Variants in ACTN4 observed in about 807,000 individuals in gnomAD.
ACTN4 encodes the protein alpha-actinin-4.
ACTN4 carries 18 observed loss-of-function variants against 114.2 expected under a neutral mutation model. The ratio of observed to expected loss-of-function variants is 0.16; its 90% CI spans 0.11 to 0.23. ACTN4 has a LOEUF of 0.23. Ranked by LOEUF, ACTN4 falls within the 10% of genes least tolerant of loss-of-function variation. ACTN4 has a pLI of 1.00. For synonymous variants in ACTN4, 515 were observed against 506.3 expected (o/e 1.02, Z -0.23); for missense variants, 722 against 1,262.9 (o/e 0.57, Z 6.49).
At chr19:38,659,185 C>T (rs1599762436) in intron 1 of ACTN4, among the ~76,000 whole-genome samples, 2 of 151,354 alleles carry the variant, frequency 1.3e-5, no homozygotes, top group Non-Finnish European at 2.9e-5. Context: ...CTTAGGCTCC[C>T]GAGTAGCTGG....
rs1471165434 is a variant in ACTN4, at chr19:38,654,540, C to A, written c.162+6633C>A. ...TCACGCCACTGCACTCCAGCCTGGACGACAGAGTAAGGCTCCGTCTCAAAA... is the reference window on the plus strand; with the variant it reads ...TCACGCCACTGCACTCCAGCCTGGAAGACAGAGTAAGGCTCCGTCTCAAAA... On this transcript the variant is annotated intron_variant, in intron 1 of 20. Coordinates refer to ENST00000252699, the MANE Select transcript of ACTN4 (RefSeq NM_004924.6). Among the ~76,000 whole-genome samples the A allele has an allele frequency of 2.1e-5, 3 of 140,574 alleles. No homozygotes were observed. The South Asian group carries it at 6.7e-4, about 31-fold the overall frequency. The allele number at this position is 140,574 out of a possible 152,430, so 92.2% of individuals were successfully genotyped here. A position where few individuals can be genotyped will look rare whatever the true frequency, so the allele number is the denominator to read the frequency against.
chr19:38,668,033 G>A (rs1967018297), intron 1 of ACTN4, among the ~76,000 whole-genome samples: 1 of 152,190 alleles, frequency 6.6e-6, no homozygotes, highest in Non-Finnish European at 1.5e-5. Context: ...GGAGGTGCCT[G>A]TTCCTTAGAA....
chr19:38,730,711 C>A lies in ACTN4; in HGVS notation c.*1279C>A. The A allele has an allele frequency of 9.6e-7, 1 of 1,041,740 alleles. No homozygotes were observed. Among genetic ancestry groups the A allele is most frequent in the Non-Finnish European group, 1.4e-6 (1 of 707,888 alleles). The allele number at this position is 1,041,740 out of a possible 1,614,324, so 64.5% of individuals were successfully genotyped here. Reference sequence around the variant, plus strand: ...GAGTACGCAGGCCAGAGTGGTCACCCGGCCGTGAGCAGTGAGGGCCAGAGA... The same window carrying A: ...GAGTACGCAGGCCAGAGTGGTCACCAGGCCGTGAGCAGTGAGGGCCAGAGA... On this transcript the variant is annotated 3_prime_UTR_variant, in exon 21 of 21. Coordinates refer to ENST00000252699, the MANE Select transcript of ACTN4 (RefSeq NM_004924.6).
intron 1 of ACTN4, among the ~76,000 whole-genome samples, chr19:38,674,890 G>A (rs1005583088): frequency 9.9e-5 from 15 of 152,182 alleles, no homozygotes; most frequent in African/African-American, 3.6e-4. Flanking sequence ...GAGAGAACTC[G>A]TGATATCGCT....
rs144831680 is a variant in ACTN4, at chr19:38,723,661, A to C, written c.1490A>C (p.Lys497Thr). Residue 497 changes from lysine (K) to threonine (T), a missense_variant, in exon 13 of 21, where the codon AAG (lysine) becomes ACG (threonine). Lys to Thr is a moderately conservative substitution (Grantham distance 78). This residue lies in a region of ACTN4 where 523 missense variants were observed against 875.9 expected (regional missense o/e 0.60). Coordinates refer to ENST00000252699, the MANE Select transcript of ACTN4 (RefSeq NM_004924.6). ...CACAATGTCAACACCCGGTGCCAGA[A>C]GATCTGTGACCAGTGGGACGCCCTC... ...DSHNVNTRCQKICDQWDALGS... is the reference protein window; with the variant it reads ...DSHNVNTRCQTICDQWDALGS... 7 of 1,613,604 alleles carry C rather than the reference A, an allele frequency of 4.3e-6. No individual in the cohort carries two copies. The highest frequency in any genetic ancestry group is 5.9e-6 in the Non-Finnish European group (7 of 1,179,864).
Position 38,729,917 on chromosome 19 carries a change from T to A in ACTN4, c.*485T>A, listed in dbSNP as rs2145121764. ...CGGCTGGGGACCCACCCAGCCCCTC[T>A]CCCCTCTCTGCTCCAGACTCACTTG... On this transcript the variant is annotated 3_prime_UTR_variant, in exon 21 of 21. Coordinates refer to ENST00000252699, the MANE Select transcript of ACTN4 (RefSeq NM_004924.6). 2.9e-6 allele frequency: 1 copy of A among 349,142 alleles called. No individual in the cohort carries two copies. The highest frequency in any genetic ancestry group is 1.1e-3 in the Middle Eastern group (1 of 946). 21.6% of individuals were successfully genotyped at this position (349,142 alleles called of 1,614,324 possible). A position where few individuals can be genotyped will look rare whatever the true frequency, so the allele number is the denominator to read the frequency against.
At chr19:38,690,350 G>C (rs2144954489) in intron 1 of ACTN4, among the ~76,000 whole-genome samples, 1 of 152,338 alleles carries the variant, frequency 6.6e-6, no homozygotes, top group Admixed American at 6.5e-5. Context: ...CTGCATTTCT[G>C]ATCCAGCGAG....
At chr19:38,705,998 G>T in intron 4 of ACTN4, 46 bp from the exon 5 acceptor site, 1 of 1,603,408 alleles carries the variant, frequency 6.2e-7, no homozygotes, top group South Asian at 1.1e-5. Flanking sequence ...TGAGTTCTGA[G>T]GGTTTATTTT....
chr19:38,686,830 C>G (rs533577432), intron 1 of ACTN4, among the ~76,000 whole-genome samples: 1 of 152,136 alleles, frequency 6.6e-6, no homozygotes, highest in Non-Finnish European at 1.5e-5. Context: ...GGGATGGCTC[C>G]GGAAGTCTGT....
Position 38,659,065 on chromosome 19 carries a change from C to CTTTTTTTTTTTTTT in ACTN4, c.162+11171_162+11172insTTTTTTTTTTTTTT, listed in dbSNP as rs577141157. Reference sequence around the variant, plus strand: ...TAACTTTTTTTTCTTCTTTTCTTTTCTTTTTTTTTTTTTGAGACGGAGTCT... The same window carrying CTTTTTTTTTTTTTT: ...TAACTTTTTTTTCTTCTTTTCTTTTCTTTTTTTTTTTTTTTTTTTTTTTTTTTGAGACGGAGTCT... On this transcript the variant is annotated intron_variant, in intron 1 of 20. Transcript: ENST00000252699. 4.4e-3 allele frequency among the ~76,000 whole-genome samples: 490 copies of CTTTTTTTTTTTTTT among 111,616 alleles called. 18 individuals are homozygous for CTTTTTTTTTTTTTT. The highest frequency in any genetic ancestry group is 8.0e-3 in the African/African-American group (246 of 30,730). The allele number at this position is 111,616 out of a possible 152,430, so 73.2% of individuals were successfully genotyped here.
chr19:38,682,934 C>T (rs559065133), intron 1 of ACTN4, among the ~76,000 whole-genome samples: 1 of 152,260 alleles, frequency 6.6e-6, no homozygotes, highest in South Asian at 2.1e-4. Context: ...CACATTACTC[C>T]GTGTTATGGT....
At chr19:38,694,466 G>T (rs1490417565) in intron 1 of ACTN4, among the ~76,000 whole-genome samples, 3 of 151,916 alleles carry the variant, frequency 2.0e-5, no homozygotes, top group Non-Finnish European at 2.9e-5. Context: ...CACCATGTTG[G>T]CCAGGCTGGT....
chr19:38,678,963 G>A (rs966418250), intron 1 of ACTN4, among the ~76,000 whole-genome samples: 3 of 152,184 alleles, frequency 2.0e-5, no homozygotes, highest in Non-Finnish European at 4.4e-5. Context: ...TTTGCCCAGC[G>A]GCCTTTGCAG....
In ACTN4 at chr19:38,727,148, C is replaced by T. The variant is rs1349040945; in HGVS notation, c.2337+45C>T. The T allele has an allele frequency of 6.2e-7, 1 of 1,613,112 alleles. No individual in the cohort carries two copies. The highest frequency in any genetic ancestry group is 8.5e-7 in the Non-Finnish European group (1 of 1,179,650). On this transcript the variant is annotated intron_variant, in intron 18 of 20. Transcript: ENST00000252699. The surrounding 1 kb of genome is among the most constrained non-coding windows in gnomAD (Gnocchi z 5.4). The stretch of plus-strand genomic sequence containing the variant: ...CTCGGCCTCTCCCCTCCCGCCGTTG[C>T]CGTACCAGCCCACACCTTCGTCTCT...
intron 5 of ACTN4, 115 bp from the exon 6 acceptor site, chr19:38,708,002 C>T: frequency 9.1e-7 from 1 of 1,096,728 alleles, no homozygotes; most frequent in Non-Finnish European, 1.4e-6. Context: ...CAGTGCCTGG[C>T]ACAGGCCAGA....
Position 38,724,480 on chromosome 19 carries a change from G to A in ACTN4, c.1925G>A (p.Ser642Asn), listed in dbSNP as rs1343453434. The change falls in exon 16 of 21, where the codon AGC (serine) becomes AAC (asparagine). Residue 642 changes from serine (S) to asparagine (N), a missense_variant. By Grantham distance (46) the Ser-to-Asn change is conservative. Around this residue, in one of 3 missense-constraint regions of ACTN4, gnomAD observed 523 missense variants for 875.9 expected, o/e 0.60. Coordinates refer to ENST00000252699, the MANE Select transcript of ACTN4 (RefSeq NM_004924.6). This position sits in a 1 kb window ranked among gnomAD's most constrained non-coding sequence, Gnocchi z 7.0. ...KRDHALLEEQSKQQSNEHLRR... is the reference protein window; with the variant it reads ...KRDHALLEEQNKQQSNEHLRR... ...GACCATGCCCTCCTGGAGGAGCAGA[G>A]CAAGCAGCAGTCCAACGAGCACCTG... The A allele has an allele frequency of 6.2e-7, 1 of 1,613,416 alleles. No individual in the cohort carries two copies. The highest frequency in any genetic ancestry group is 8.5e-7 in the Non-Finnish European group (1 of 1,180,012).
Position 38,730,691 on chromosome 19 carries a change from C to G in ACTN4, c.*1259C>G. On this transcript the variant is annotated 3_prime_UTR_variant, in exon 21 of 21. Transcript: ENST00000252699. Reference sequence around the variant, plus strand: ...TGTTCTTGTTTCTGAGTGAGGAGTACGCAGGCCAGAGTGGTCACCCGGCCG... The same window carrying G: ...TGTTCTTGTTTCTGAGTGAGGAGTAGGCAGGCCAGAGTGGTCACCCGGCCG... The G allele has an allele frequency of 3.8e-6, 3 of 781,592 alleles. No homozygotes were observed. The highest frequency in any genetic ancestry group is 6.2e-6 in the Non-Finnish European group (3 of 480,714). 48.4% of individuals were successfully genotyped at this position (781,592 alleles called of 1,614,324 possible).
intron 19 of ACTN4, among the ~76,000 whole-genome samples, chr19:38,728,749 G>A (rs1000980827): frequency 1.3e-5 from 2 of 152,232 alleles, no homozygotes. Flanking sequence ...ACCACGAGAG[G>A]GGAGGGTGCA....
In ACTN4 at chr19:38,647,693, G is replaced by A; in HGVS notation, c.-53G>A. The stretch of plus-strand genomic sequence containing the variant: ...TAGCGGCGGCGGCTCGGGCAGAGGG[G>A]CGGGAGCTGAGGCGGGAGCGGACAG... On this transcript the variant is annotated 5_prime_UTR_variant, in exon 1 of 21. Transcript: ENST00000252699. The A allele has an allele frequency of 6.6e-7, 1 of 1,514,836 alleles. No homozygotes were observed. The highest frequency in any genetic ancestry group is 8.8e-7 in the Non-Finnish European group (1 of 1,132,628). 93.8% of individuals were successfully genotyped at this position (1,514,836 alleles called of 1,614,324 possible). A position where few individuals can be genotyped will look rare whatever the true frequency, so the allele number is the denominator to read the frequency against.
Sources: allele counts gnomAD v4.1 joint callset (sites outside exome capture counted in the v4.1 genomes callset), GRCh38; gene constraint gnomAD v4.1.1; regional missense constraint gnomAD v4.1.1; non-coding constraint Gnocchi (gnomAD v3.1); transcripts MANE v1.5; gene names NCBI Gene and HGNC (gene_info 2026-07-23, HGNC 2026-07-21).